CDK14: variants seen among roughly 807,000 people sequenced by gnomAD.
CDK14 encodes the protein cyclin dependent kinase 14, also known as cyclin-dependent kinase 14.
CDK14 carries 34 observed loss-of-function variants against 60.7 expected under a neutral mutation model. That is an observed-to-expected ratio of 0.56 (90% confidence interval 0.43 to 0.75). The LOEUF (loss-of-function observed/expected upper bound fraction) is 0.75, where lower values mean the gene tolerates loss of function less well. Among genes scored for constraint, CDK14 ranks in the 30% least tolerant of loss-of-function variants. CDK14 has a pLI of 0.00. For missense variants in CDK14, 482 were observed against 564.1 expected, an observed-to-expected ratio of 0.85 and a Z score of 1.47; for synonymous variants, 197 against 203.7, an observed-to-expected ratio of 0.97 and a Z score of 0.28.
chr7:90,788,565 T>C (rs941017286), intron 4 of CDK14, among the ~76,000 whole-genome samples: 4 of 152,180 alleles, frequency 2.6e-5, no homozygotes, highest in Non-Finnish European at 4.4e-5. Context: ...GATGGTACGT[T>C]GTGGAGCCTT....
At chr7:90,786,706 C>T (rs1805596755) in intron 4 of CDK14, among the ~76,000 whole-genome samples, 1 of 151,936 alleles carries the variant, frequency 6.6e-6, no homozygotes, top group South Asian at 2.1e-4. Flanking sequence ...CACTTGAGCC[C>T]AGGAGTTCAA....
Position 91,207,182 on chromosome 7 carries a change from T to A in CDK14, c.*46T>A, listed in dbSNP as rs990383990. ...CCTTCCAGGATTAAGTTGTCATCATTCTGGGAAGAAAAAAAAAACATTAAT... is the reference window on the plus strand; with the variant it reads ...CCTTCCAGGATTAAGTTGTCATCATACTGGGAAGAAAAAAAAAACATTAAT... On this transcript the variant is annotated 3_prime_UTR_variant, in exon 15 of 15. Transcript: ENST00000380050. 1 of 151,968 alleles carries A rather than the reference T, an allele frequency of 6.6e-6. No homozygotes were observed. Among genetic ancestry groups the A allele is most frequent in the African/African-American group, 2.4e-5 (1 of 41,310 alleles). The allele number at this position is 151,968 out of a possible 1,614,324, so 9.4% of individuals were successfully genotyped here.
intron 5 of CDK14, among the ~76,000 whole-genome samples, chr7:90,806,877 A>G (rs1459581024): frequency 6.6e-6 from 1 of 152,168 alleles, no homozygotes; most frequent in Non-Finnish European, 1.5e-5. Context: ...TTGCTAGCAC[A>G]GCAGTCTGAG....
chr7:90,944,206 CT>C (rs1794025952), intron 8 of CDK14, among the ~76,000 whole-genome samples: 1 of 152,152 alleles, frequency 6.6e-6, no homozygotes, highest in Non-Finnish European at 1.5e-5. Flanking sequence ...CCAAAGTAAA[CT>C]TTTTTTCTTT....
At chr7:91,045,982 T>A (rs1415559164) in intron 11 of CDK14, 22 bp downstream of exon 11, 3 of 1,487,922 alleles carry the variant, frequency 2.0e-6, no homozygotes, top group Admixed American at 1.7e-5. Context: ...TAATTACAGA[T>A]GACTAGGTGC....
At chr7:90,786,891 A>C (rs1302826177) in intron 4 of CDK14, among the ~76,000 whole-genome samples, 1 of 145,326 alleles carries the variant, frequency 6.9e-6, no homozygotes, top group African/African-American at 2.6e-5. Context: ...ATGCCACTGC[A>C]CTTCAGCCTG....
intron 7 of CDK14, among the ~76,000 whole-genome samples, chr7:90,913,926 C>T (rs1418438644): frequency 6.6e-6 from 1 of 152,120 alleles, no homozygotes; most frequent in East Asian, 1.9e-4. Flanking sequence ...AAGAGACCTT[C>T]AAGCTTCTTC....
chr7:90,996,748 CCATT>C (rs967102067), intron 10 of CDK14, among the ~76,000 whole-genome samples: 5 of 152,086 alleles, frequency 3.3e-5, no homozygotes, highest in African/African-American at 1.2e-4. Context: ...TTTAGATATA[CCATT>C]CAATTAAATT....
chr7:90,813,519 G>A (rs1025660134), intron 5 of CDK14, among the ~76,000 whole-genome samples: 2 of 152,020 alleles, frequency 1.3e-5, no homozygotes, highest in African/African-American at 4.8e-5. Context: ...AGGCTGAAGT[G>A]GGTGGATCAC....
chr7:90,696,339 T>TTCTTCTTC (rs66902872), intron 2 of CDK14, among the ~76,000 whole-genome samples: 44 of 59,630 alleles, frequency 7.4e-4, no homozygotes, highest in East Asian at 4.0e-3. Flanking sequence ...TCTTCTTCTT[T>TTCTTCTTC]TTTTTTTTTT....
At chr7:90,935,589 T>C (rs1460311472) in intron 8 of CDK14, among the ~76,000 whole-genome samples, 1 of 152,244 alleles carries the variant, frequency 6.6e-6, no homozygotes, top group East Asian at 1.9e-4. Context: ...AATTCCTTAA[T>C]TGCATGTATA....
At position 91,038,389 on chromosome 7, in the gene CDK14, C is replaced by A. The variant is rs897837214; in HGVS notation, c.1042-7508C>A. Among the ~76,000 whole-genome samples the A allele has an allele frequency of 2.6e-5, 4 of 152,114 alleles. No homozygotes were observed. The East Asian group carries it at 7.7e-4, about 29-fold the overall frequency. ...AACAAAAATTTTAAAAAAGACATGACCTCTTTACTTATTAACACTTAGAGT... is the reference window on the plus strand; with the variant it reads ...AACAAAAATTTTAAAAAAGACATGAACTCTTTACTTATTAACACTTAGAGT... On this transcript the variant is annotated intron_variant, in intron 10 of 14. Coordinates refer to ENST00000380050, the MANE Select transcript of CDK14 (RefSeq NM_001287135.2).
At chr7:90,887,198 A>T (rs147733961) in intron 6 of CDK14, among the ~76,000 whole-genome samples, 26 of 152,260 alleles carry the variant, frequency 1.7e-4, no homozygotes, top group African/African-American at 6.3e-4. Flanking sequence ...TCATTTTCTC[A>T]TGTTTCAGAG....
chr7:90,892,620 A>G (rs1029795074), intron 6 of CDK14, among the ~76,000 whole-genome samples: 3 of 152,308 alleles, frequency 2.0e-5, no homozygotes, highest in East Asian at 1.9e-4. Flanking sequence ...TAAACCTCAT[A>G]AACTCTTTTA....
intron 6 of CDK14, among the ~76,000 whole-genome samples, chr7:90,887,403 T>C (rs1791979572): frequency 6.6e-6 from 1 of 152,148 alleles, no homozygotes; most frequent in African/African-American, 2.4e-5. Flanking sequence ...AGAATAGCAA[T>C]ATAATTTGCC....
intron 12 of CDK14, among the ~76,000 whole-genome samples, chr7:91,084,549 G>GC (rs1798576088): frequency 6.6e-6 from 1 of 152,198 alleles, no homozygotes; most frequent in Non-Finnish European, 1.5e-5. Context: ...AGCTCCCACT[G>GC]CCCCCAAGAG....
chr7:91,077,505 G>A (rs1237758425), intron 11 of CDK14, among the ~76,000 whole-genome samples: 4 of 151,844 alleles, frequency 2.6e-5, no homozygotes, highest in Admixed American at 6.6e-5. Context: ...GTCAGGGGGC[G>A]AGGGGAGGGA....
chr7:91,010,350 G>A (rs1796115410), intron 10 of CDK14, among the ~76,000 whole-genome samples: 1 of 151,950 alleles, frequency 6.6e-6, no homozygotes, highest in Non-Finnish European at 1.5e-5. Context: ...AGATCAGTTT[G>A]GAGATAACTG....
At chr7:90,931,060 G>C (rs749583742) in intron 8 of CDK14, among the ~76,000 whole-genome samples, 105 of 152,198 alleles carry the variant, frequency 6.9e-4, no homozygotes, top group Non-Finnish European at 1.2e-3. Flanking sequence ...TTTTAAATAG[G>C]TATATTACAG....
Sources: gnomAD v4.1 joint callset for allele counts (sites outside exome capture counted in the v4.1 genomes callset) on GRCh38, gnomAD v4.1.1 for gene constraint, MANE v1.5 for transcripts, NCBI Gene and HGNC (gene_info 2026-07-23, HGNC 2026-07-21) for gene names.